The following SYNE2 variants were observed in gnomAD, a reference collection of about 807,000 sequenced individuals.
SYNE2 encodes the protein spectrin repeat containing nuclear envelope protein 2.
Under a neutral mutation model 856.3 loss-of-function variants are expected in SYNE2, and 431 were observed. The observed-to-expected ratio is 0.50, with a 90% CI of 0.47 to 0.55. The LOEUF (loss-of-function observed/expected upper bound fraction) is 0.55. SYNE2 is among the 20% of genes least tolerant of loss of function. The pLI is 0.00. For synonymous variants in SYNE2, 2,923 were observed against 2,872.3 expected, an observed-to-expected ratio of 1.02 and a Z score of -0.56; for missense variants, 8,129 against 8,023.2, an observed-to-expected ratio of 1.01 and a Z score of -0.50.
chr14:64,024,442 C>T lies in SYNE2; in HGVS notation c.5823C>T (p.Ser1941=). ...CQARAKELED[S]LQQLLRLQDD... ...CTCGAGCAAAGGAGCTTGAAGACTC[C>T]TTGCAGCAGCTACTGAGGTAGGAAA... The change falls in exon 39 of 116, where the codon TCC becomes TCT. Residue 1941 remains serine (S), a synonymous_variant. Transcript: ENST00000555002. 1 of 1,613,964 alleles carries T rather than the reference C, an allele frequency of 6.2e-7. No homozygotes were observed.
intron 45 of SYNE2, among the ~76,000 whole-genome samples, chr14:64,040,324 G>A (rs1595071788): frequency 6.6e-6 from 1 of 151,812 alleles, no homozygotes; most frequent in African/African-American, 2.4e-5. Flanking sequence ...ACCATAACGT[G>A]TTTAAAATGA....
At chr14:64,085,114 C>G in intron 57 of SYNE2, 1 of 671,564 alleles carries the variant, frequency 1.5e-6, no homozygotes, top group East Asian at 2.7e-5. Flanking sequence ...GCTCTGTCAC[C>G]CAGGCTGGAG....
chr14:64,128,781 G>A (rs2097977664), intron 74 of SYNE2, among the ~76,000 whole-genome samples: 1 of 152,232 alleles, frequency 6.6e-6, no homozygotes, highest in Non-Finnish European at 1.5e-5. Context: ...ATGACAAAAT[G>A]TGTATGTCCA....
intron 64 of SYNE2, among the ~76,000 whole-genome samples, 179 bp downstream of exon 64, chr14:64,102,221 A>G (rs186724344): frequency 4.6e-4 from 70 of 152,230 alleles, no homozygotes; most frequent in Non-Finnish European, 7.8e-4. Flanking sequence ...GGTTCAAGCA[A>G]TTCTCCTGCT....
intron 26 of SYNE2, 130 bp downstream of exon 26, chr14:63,998,458 C>G (rs2096729546): frequency 3.0e-6 from 2 of 662,602 alleles, no homozygotes; most frequent in Non-Finnish European, 5.4e-6. Flanking sequence ...CTTAGAAATT[C>G]TATGGTATTT....
rs8015551 is a variant in SYNE2, at chr14:64,107,623, T to C, written c.12609+16T>C. On this transcript the variant is annotated intron_variant, in intron 65 of 115. Transcript: ENST00000555002. ...AACAGAAGAGGTAAGTCCTGGTTGG[T>C]AATAAGTAAACTGCTCAGATAGCTG... is the stretch of plus-strand genomic sequence containing the variant. 14,615 of 1,602,012 alleles carry C rather than the reference T, an allele frequency of 9.1e-3. 1,069 individuals are homozygous for C. The African/African-American group carries it at 0.17, about 18-fold the overall frequency.
At chr14:64,159,473 A>T (rs763227770) in intron 87 of SYNE2, 31 bp downstream of exon 87, 2 of 1,609,982 alleles carry the variant, frequency 1.2e-6, no homozygotes, top group Admixed American at 1.7e-5. Context: ...TGAATGATAG[A>T]TATCTTTATC....
intron 84 of SYNE2, among the ~76,000 whole-genome samples, chr14:64,151,664 A>C (rs1372223617): frequency 6.6e-6 from 1 of 152,176 alleles, no homozygotes. Context: ...TTCAGAACAC[A>C]TGCATCTGGA....
intron 74 of SYNE2, among the ~76,000 whole-genome samples, chr14:64,128,770 C>T (rs2097977456): frequency 6.6e-6 from 1 of 152,172 alleles, no homozygotes; most frequent in South Asian, 2.1e-4. Flanking sequence ...ACTTATCAAC[C>T]ATGACAAAAT....
At chr14:63,781,440 C>T (rs975119179) in intron 1 of SYNE2, among the ~76,000 whole-genome samples, 4 of 151,530 alleles carry the variant, frequency 2.6e-5, no homozygotes, top group Non-Finnish European at 4.4e-5. Context: ...TCTAGGTTTG[C>T]GCAAATAAAT....
chr14:63,947,948 C>T (rs1282086441), intron 6 of SYNE2, among the ~76,000 whole-genome samples: 1 of 152,136 alleles, frequency 6.6e-6, no homozygotes. Context: ...TTCAAATGAC[C>T]TATTTTGTTT....
At position 64,119,407 on chromosome 14, in the gene SYNE2, T is replaced by G; in HGVS notation, c.12841-20T>G. The G allele has an allele frequency of 6.2e-7, 1 of 1,613,908 alleles. No homozygotes were observed. Among genetic ancestry groups the G allele is most frequent in the East Asian group, 2.2e-5 (1 of 44,882 alleles). ...CTTCAAGAACAACATTATGAATAAT[T>G]AAATGCTTTTATTTCCTAGGCTATG... is the stretch of plus-strand genomic sequence containing the variant. On this transcript the variant is annotated intron_variant, in intron 66 of 115. Transcript: ENST00000555002.
At chr14:63,764,398 A>C (rs779773839) in intron 1 of SYNE2, among the ~76,000 whole-genome samples, 2 of 152,084 alleles carry the variant, frequency 1.3e-5, no homozygotes, top group Non-Finnish European at 2.9e-5. Flanking sequence ...GGCCAGCTGC[A>C]ATGGCTCACG....
At chr14:64,168,172 C>T (rs1051239976) in intron 92 of SYNE2, among the ~76,000 whole-genome samples, 8 of 152,118 alleles carry the variant, frequency 5.3e-5, no homozygotes, top group African/African-American at 1.9e-4. Context: ...GGCGCAATCT[C>T]GGCTCACTGA....
chr14:64,161,802 T>C (rs2098332139), intron 87 of SYNE2, among the ~76,000 whole-genome samples: 1 of 150,666 alleles, frequency 6.6e-6, no homozygotes, highest in South Asian at 2.1e-4. Flanking sequence ...AAAAAGAGAG[T>C]GAAACATTCA....
chr14:64,183,132 G>A (rs1163529361), intron 96 of SYNE2, among the ~76,000 whole-genome samples: 2 of 149,242 alleles, frequency 1.3e-5, no homozygotes, highest in East Asian at 2.0e-4. Context: ...GGCGGCTGCC[G>A]GGCGGAGGGG....
rs1036928299 is a variant in SYNE2, at chr14:64,089,645, A to G, written c.11742A>G (p.Leu3914=). ...TTTCAAAAATCAAAACTATCCTATTATCAAAAGAAATATTTGATTTTTCAC... is the reference window on the plus strand; with the variant it reads ...TTTCAAAAATCAAAACTATCCTATTGTCAAAAGAAATATTTGATTTTTCAC... ...KRVSKIKTIL[L]SKEIFDFSPE... is the part of the protein sequence containing the mutation. The change falls in exon 59 of 116, where the codon TTA becomes TTG. Residue 3914 remains leucine, a synonymous_variant. Transcript: ENST00000555002. The G allele has an allele frequency of 6.2e-7, 1 of 1,603,366 alleles. No homozygotes were observed. Among genetic ancestry groups the G allele is most frequent in the South Asian group, 1.1e-5 (1 of 90,788 alleles).
rs911774277 is a variant in SYNE2, at chr14:64,002,149, T to C, written c.3786+68T>C. 1.0e-5 allele frequency: 13 copies of C among 1,298,350 alleles called. No homozygotes were observed. The African/African-American group carries it at 1.2e-4, about 12-fold the overall frequency. The allele number at this position is 1,298,350 out of a possible 1,614,324, so 80.4% of individuals were successfully genotyped here. On this transcript the variant is annotated intron_variant, in intron 29 of 115. Coordinates refer to ENST00000555002, the MANE Select transcript of SYNE2 (RefSeq NM_182914.3). ...GTCTTTTGAGATTTATAAATCCTTA[T>C]GGATTTTTAATTATTCATGATAGCA... is the stretch of plus-strand genomic sequence containing the variant.
intron 64 of SYNE2, among the ~76,000 whole-genome samples, chr14:64,103,925 CTT>C (rs946649813): frequency 6.6e-6 from 1 of 152,174 alleles, no homozygotes; most frequent in African/African-American, 2.4e-5. Context: ...ATTGCTGTCT[CTT>C]TCCCTGTTTT....
Sources: gnomAD v4.1 joint callset for allele counts (sites outside exome capture counted in the v4.1 genomes callset) on GRCh38, gnomAD v4.1.1 for gene constraint, MANE v1.5 for transcripts, NCBI Gene and HGNC (gene_info 2026-07-23, HGNC 2026-07-21) for gene names.